Variants in WDR7 observed in about 807,000 individuals in gnomAD.
WDR7 encodes WD repeat domain 7.
WDR7 carries 46 observed loss-of-function variants against 169.4 expected under a neutral mutation model. The ratio of observed to expected loss-of-function variants is 0.27; its 90% CI spans 0.21 to 0.35. The LOEUF (loss-of-function observed/expected upper bound fraction) is 0.35. Ranked by LOEUF, WDR7 falls within the 10% of genes least tolerant of loss-of-function variation. The probability of loss-of-function intolerance (pLI) is 1.00; values close to 1 mark genes in which losing one functional copy is unlikely to be tolerated. For missense variants in WDR7, 1,534 were observed against 1,859.3 expected, an observed-to-expected ratio of 0.83 and a Z score of 3.22; for synonymous variants, 612 against 666.8, an observed-to-expected ratio of 0.92 and a Z score of 1.27.
Position 57,018,599 on chromosome 18 carries a change from T to A in WDR7, c.4165-2146T>A, listed in dbSNP as rs80040839. Reference sequence around the variant, plus strand: ...TTTTCAGGAGAGGCTGGAAATCTTGTTTTTACAGAAGATCTGATCAATTAG... The same window carrying A: ...TTTTCAGGAGAGGCTGGAAATCTTGATTTTACAGAAGATCTGATCAATTAG... On this transcript the variant is annotated intron_variant, in intron 26 of 27. Coordinates refer to ENST00000254442, the MANE Select transcript of WDR7 (RefSeq NM_015285.3). 8.2e-3 allele frequency among the ~76,000 whole-genome samples: 1,253 copies of A among 152,278 alleles called. 16 individuals carry two copies. Among genetic ancestry groups the A allele is most frequent in the African/African-American group, 0.029 (1,192 of 41,570 alleles).
At chr18:56,994,503 A>T (rs1257624984) in intron 26 of WDR7, among the ~76,000 whole-genome samples, 2 of 152,174 alleles carry the variant, frequency 1.3e-5, no homozygotes, top group East Asian at 1.9e-4. Flanking sequence ...CATCTTTTTA[A>T]AAAAAAGAGT....
the WDR7 span, chr18:57,035,302 A>C: frequency 6.6e-6 from 1 of 152,420 alleles, no homozygotes; most frequent in Non-Finnish European, 1.5e-5. Flanking sequence ...GTGCTGGGTC[A>C]AGGGGAAACG....
chr18:56,963,613 T>C (rs951994645), intron 26 of WDR7, among the ~76,000 whole-genome samples: 9 of 152,154 alleles, frequency 5.9e-5, no homozygotes, highest in Non-Finnish European at 1.2e-4. Context: ...TGTGTGAATG[T>C]GCATTGTGCA....
At chr18:56,671,591 G>T (rs1345209846) in intron 1 of WDR7, among the ~76,000 whole-genome samples, 1 of 152,118 alleles carries the variant, frequency 6.6e-6, no homozygotes. Flanking sequence ...TTTTGAAAAT[G>T]TTTAGCTCAG....
intron 20 of WDR7, among the ~76,000 whole-genome samples, chr18:56,837,246 TAA>T (rs1312889020): frequency 2.0e-5 from 3 of 152,214 alleles, no homozygotes; most frequent in Non-Finnish European, 4.4e-5. Flanking sequence ...TTATGACTTG[TAA>T]AGAGATCTCA....
Position 56,842,617 on chromosome 18 carries a change from C to T in WDR7, c.3304+26473C>T, listed in dbSNP as rs139940849. On this transcript the variant is annotated intron_variant, in intron 20 of 27. Coordinates refer to ENST00000254442, the MANE Select transcript of WDR7 (RefSeq NM_015285.3). ...TGTAAGTAAAGGATTCGTAGTACTT[C>T]GGTATAGCCTATTCAAAATTCCCAT... 4.0e-4 allele frequency among the ~76,000 whole-genome samples: 60 copies of T among 149,326 alleles called. 1 individual carries two copies. Among genetic ancestry groups the T allele is most frequent in the Non-Finnish European group, 6.8e-4 (46 of 67,860 alleles).
At chr18:56,807,255 A>G (rs971650626) in intron 19 of WDR7, among the ~76,000 whole-genome samples, 1 of 151,998 alleles carries the variant, frequency 6.6e-6, no homozygotes, top group African/African-American at 2.4e-5. Context: ...TTATAGTTTG[A>G]GTTTCTAAAT....
chr18:56,971,628 G>T (rs921830148), intron 26 of WDR7, among the ~76,000 whole-genome samples: 1 of 152,146 alleles, frequency 6.6e-6, no homozygotes, highest in Non-Finnish European at 1.5e-5. Flanking sequence ...GTCTGGGGAG[G>T]ATTGGTTAGG....
intron 26 of WDR7, among the ~76,000 whole-genome samples, chr18:56,978,552 A>G (rs1277680055): frequency 6.6e-6 from 1 of 152,236 alleles, no homozygotes; most frequent in Non-Finnish European, 1.5e-5. Context: ...TGCAAAGCCC[A>G]GTCAAGGGAA....
intron 9 of WDR7, among the ~76,000 whole-genome samples, chr18:56,692,349 T>C (rs12962600): frequency 0.58 from 88,020 of 151,846 alleles, 30,040 homozygotes; most frequent in Non-Finnish European, 0.76. Context: ...ATCCACTTAA[T>C]GTTGAAGTAC....
intron 14 of WDR7, among the ~76,000 whole-genome samples, chr18:56,754,247 TTGTGTGTGTG>T (rs71169393): frequency 0.092 from 13,064 of 141,492 alleles, 633 homozygotes; most frequent in East Asian, 0.19. Context: ...GTTTTGTGCT[TTGTGTGTGTG>T]TGTGTGTGTG....
At chr18:56,852,931 G>T (rs920451031) in intron 20 of WDR7, among the ~76,000 whole-genome samples, 1 of 152,092 alleles carries the variant, frequency 6.6e-6, no homozygotes, top group African/African-American at 2.4e-5. Context: ...TAACATGTTT[G>T]CAGGTTCTGT....
chr18:56,819,210 A>G (rs982046017), intron 20 of WDR7, among the ~76,000 whole-genome samples: 1 of 152,200 alleles, frequency 6.6e-6, no homozygotes, highest in African/African-American at 2.4e-5. Flanking sequence ...GTAAAGACAC[A>G]TGGATTAAGC....
intron 14 of WDR7, among the ~76,000 whole-genome samples, chr18:56,750,203 C>G (rs1042743274): frequency 5.3e-5 from 8 of 151,998 alleles, no homozygotes; most frequent in Non-Finnish European, 1.0e-4. Context: ...ATATTTTTTT[C>G]CTGTGGCTTT....
At chr18:57,006,442 C>T (rs561848631) in intron 26 of WDR7, among the ~76,000 whole-genome samples, 1 of 151,998 alleles carries the variant, frequency 6.6e-6, no homozygotes, top group Non-Finnish European at 1.5e-5. Flanking sequence ...ATATTAATTG[C>T]TTATTAAGTA....
At chr18:56,864,507 A>G (rs1419199913) in intron 20 of WDR7, among the ~76,000 whole-genome samples, 3 of 151,770 alleles carry the variant, frequency 2.0e-5, no homozygotes, top group Non-Finnish European at 4.4e-5. Flanking sequence ...GATTAGTATA[A>G]TAGCATACAA....
chr18:56,912,661 A>G (rs770276742), intron 21 of WDR7, among the ~76,000 whole-genome samples: 2 of 152,184 alleles, frequency 1.3e-5, no homozygotes, highest in South Asian at 4.1e-4. Context: ...TCTTGGTAGC[A>G]TATGATAATT....
chr18:56,824,428 A>G (rs2045160287), intron 20 of WDR7, among the ~76,000 whole-genome samples: 1 of 152,202 alleles, frequency 6.6e-6, no homozygotes, highest in African/African-American at 2.4e-5. Flanking sequence ...TTGTATGCCT[A>G]GCACTAGAAT....
rs762145588 is a variant in WDR7, at chr18:56,935,854, G to A, written c.3780G>A (p.Ser1260=). The A allele has an allele frequency of 8.1e-6, 13 of 1,613,948 alleles. No individual in the cohort carries two copies. Among genetic ancestry groups the A allele is most frequent in the Admixed American group, 3.3e-5 (2 of 60,012 alleles). Residue 1260 remains serine, a synonymous_variant, in exon 23 of 28, where the codon TCG becomes TCA. Transcript: ENST00000254442. ...DSARSARHAL[S]LIATARPPAF... ...CCCGCTCTGCGAGGCATGCCCTCTC[G>A]CTCATTGCCACCGCCAGACCACCCG...
Sources: gnomAD v4.1 joint callset for allele counts (sites outside exome capture counted in the v4.1 genomes callset) on GRCh38, gnomAD v4.1.1 for gene constraint, MANE v1.5 for transcripts, NCBI Gene and HGNC (gene_info 2026-07-23, HGNC 2026-07-21) for gene names.